Variants in PLEKHA4 observed in about 807,000 individuals in gnomAD.
PLEKHA4 encodes pleckstrin homology domain-containing family A member 4.
PLEKHA4 carries 73 observed loss-of-function variants against 94.7 expected under a neutral mutation model. The ratio of observed to expected loss-of-function variants is 0.77; its 90% CI spans 0.64 to 0.94. The LOEUF is 0.94. PLEKHA4 is among the 40% of genes least tolerant of loss of function. The pLI is 0.00. For synonymous variants in PLEKHA4, 449 were observed against 437.1 expected (o/e 1.03, Z -0.34); for missense variants, 1,049 against 1,054.1 (o/e 1.00, Z 0.07).
chr19:48,843,464 C>T (rs1163157808), intron 16 of PLEKHA4, among the ~76,000 whole-genome samples: 1 of 151,814 alleles, frequency 6.6e-6, no homozygotes, highest in Admixed American at 6.6e-5. Context: ...CAGGCGTTAG[C>T]CACCGCACGC....
chr19:48,843,485 C>CTT (rs879702341), intron 16 of PLEKHA4, among the ~76,000 whole-genome samples: 2 of 141,854 alleles, frequency 1.4e-5, no homozygotes, highest in East Asian at 4.2e-4. Context: ...GGTCTTTTTT[C>CTT]TTTTTTTTTT....
rs763716419 is a variant in PLEKHA4 at position 48,853,843 on chromosome 19, C to G, written c.1177-12G>C. 6.3e-7 allele frequency: 1 copy of G among 1,598,208 alleles called. No homozygotes were observed. The highest frequency in any genetic ancestry group is 1.3e-5 in the African/African-American group (1 of 74,204). ...GCTTCTAGTTGCTCCTGCACCAAGA[C>G]AGAAGGTGGTTAGACTTCAGAAGCC... On this transcript the variant is annotated splice_polypyrimidine_tract_variant and intron_variant, in intron 11 of 19. Transcript: ENST00000263265.
chr19:48,843,306 G>A (rs1417379347), intron 16 of PLEKHA4, among the ~76,000 whole-genome samples: 1 of 151,966 alleles, frequency 6.6e-6, no homozygotes, highest in Admixed American at 6.6e-5. Context: ...AGCCTCCCGA[G>A]TAGCTGGGAT....
rs932475991 is a variant in PLEKHA4, at chr19:48,868,360, C to G, written c.-284G>C. 2.0e-5 allele frequency: 3 copies of G among 150,824 alleles called. No individual in the cohort carries two copies. Among genetic ancestry groups the G allele is most frequent in the Non-Finnish European group, 4.4e-5 (3 of 67,554 alleles). 9.3% of individuals were successfully genotyped at this position (150,824 alleles called of 1,614,324 possible). A position where few individuals can be genotyped will look rare whatever the true frequency, so the allele number is the denominator to read the frequency against. ...AGTCTCTCTCTCACTCATTCTCTCC[C>G]TCTCTCTCTCTCTCCAATCTTTCTG... On this transcript the variant is annotated 5_prime_UTR_variant, in exon 1 of 20. Coordinates refer to ENST00000263265, the MANE Select transcript of PLEKHA4 (RefSeq NM_020904.3).
intron 17 of PLEKHA4, among the ~76,000 whole-genome samples, chr19:48,839,725 G>A (rs1380237095): frequency 1.3e-5 from 2 of 151,768 alleles, no homozygotes; most frequent in African/African-American, 4.8e-5. Context: ...AACTTTACCT[G>A]TGTTCCTATA....
chr19:48,865,968 C>G (rs1269030095), intron 2 of PLEKHA4, among the ~76,000 whole-genome samples: 1 of 150,574 alleles, frequency 6.6e-6, no homozygotes, highest in Non-Finnish European at 1.5e-5. Context: ...GAGCCGAGAT[C>G]GCACCACTGC....
At chr19:48,849,579 G>C (rs2036102541) in intron 13 of PLEKHA4, among the ~76,000 whole-genome samples, 1 of 152,196 alleles carries the variant, frequency 6.6e-6, no homozygotes, top group African/African-American at 2.4e-5. Context: ...AAAGTGCTGG[G>C]ACTACAGGCG....
intron 13 of PLEKHA4, among the ~76,000 whole-genome samples, chr19:48,851,854 G>A (rs2036203614): frequency 6.6e-6 from 1 of 152,072 alleles, no homozygotes; most frequent in African/African-American, 2.4e-5. Flanking sequence ...TGAGGTGGGA[G>A]AATCACTTGA....
chr19:48,861,362 TC>T, intron 5 of PLEKHA4, 38 bp downstream of exon 5: 1 of 1,548,318 alleles, frequency 6.5e-7, no homozygotes, highest in Non-Finnish European at 8.9e-7. Flanking sequence ...CATCTCCAGT[TC>T]CCATCGCCTG....
At chr19:48,858,732 G>A in intron 8 of PLEKHA4, 128 bp downstream of exon 8, 3 of 1,072,344 alleles carry the variant, frequency 2.8e-6, no homozygotes, top group Non-Finnish European at 4.2e-6. Flanking sequence ...TCTCACCTGA[G>A]CCCAGCTGAG....
chr19:48,862,317 C>T (rs1049380290), intron 3 of PLEKHA4, among the ~76,000 whole-genome samples: 2 of 150,938 alleles, frequency 1.3e-5, no homozygotes, highest in Non-Finnish European at 2.9e-5. Context: ...TCTCCTGCCT[C>T]AGCCTCCCGA....
Position 48,841,265 on chromosome 19 carries a change from G to A in PLEKHA4, c.1789C>T (p.Arg597Trp), listed in dbSNP as rs149205469. 68 of 1,613,168 alleles carry A rather than the reference G, an allele frequency of 4.2e-5. 1 individual carries two copies. The highest frequency in any genetic ancestry group is 3.3e-4 in the Middle Eastern group (2 of 6,000). The stretch of plus-strand genomic sequence containing the variant: ...CCACATTCCTGGTTTCTGCGCATCC[G>A]CTCCAGCTGCTCCTGGGCACTCATC... Reference protein sequence around the residue: ...PRMSAQEQLERMRRNQECGRP... With the variant: ...PRMSAQEQLEWMRRNQECGRP... The change falls in exon 17 of 20, where the codon CGG becomes TGG. Residue 597 changes from arginine (R) to tryptophan (W), a missense_variant. By Grantham distance (101) the Arg-to-Trp change is moderately radical. Transcript: ENST00000263265.
Position 48,860,403 on chromosome 19 carries a change from C to CCT in PLEKHA4, c.422_423insAG (p.Arg142GlyfsTer43). ...GGCCCAGCGCCCGTAGCCAGCCCCG[C>CCT]AGGTCTTCTAAGGTGTCAGCGGCCA... On this transcript the variant is annotated frameshift_variant, in exon 6 of 20. Transcript: ENST00000263265. LOFTEE classifies it high-confidence loss of function. The CCT allele has an allele frequency of 6.2e-7, 1 of 1,614,146 alleles. No individual in the cohort carries two copies. Among genetic ancestry groups the CCT allele is most frequent in the Non-Finnish European group, 8.5e-7 (1 of 1,180,038 alleles).
In PLEKHA4 at chr19:48,859,499, C is replaced by A; in HGVS notation, c.662G>T (p.Gly221Val). 1 of 1,614,028 alleles carries A rather than the reference C, an allele frequency of 6.2e-7. No individual in the cohort carries two copies. The highest frequency in any genetic ancestry group is 8.5e-7 in the Non-Finnish European group (1 of 1,180,026). The change falls in exon 7 of 20, where the codon GGA becomes GTA. Residue 221 changes from glycine to valine, a missense_variant. Transcript: ENST00000263265. ...GCTCCTCGCCCTCCGCATCTGGAGT[C>A]CAGAGTGGAGGTCGGTTGTGGGGCT... ...TPSPTTDLHS[G>V]LQMRRARSPD...
rs202017430 is a variant in PLEKHA4, at chr19:48,854,227, A to C, written c.1085T>G (p.Leu362Trp). The change falls in exon 10 of 20, where the codon TTG becomes TGG. Residue 362 changes from leucine (L) to tryptophan (W), a missense_variant. Coordinates refer to ENST00000263265, the MANE Select transcript of PLEKHA4 (RefSeq NM_020904.3). ...TCAGTGACAACTTACATCTGTCTCC[A>C]AGCTTTGGTGGAAAGTTGACTCCAG... Reference protein sequence around the residue: ...PPLESTFHQSLETDTLLTKLC... With the variant: ...PPLESTFHQSWETDTLLTKLC... 72 of 1,614,132 alleles carry C rather than the reference A, an allele frequency of 4.5e-5. No homozygotes were observed. In the Admixed American group the frequency reaches 4.7e-4, roughly 10 times the overall value.
chr19:48,856,430 A>G (rs2036411876), intron 9 of PLEKHA4, among the ~76,000 whole-genome samples: 1 of 122,708 alleles, frequency 8.1e-6, no homozygotes, highest in Non-Finnish European at 2.0e-5. Flanking sequence ...AAAAATACAA[A>G]AAAGTTGGGC....
Position 48,841,308 on chromosome 19 carries a change from G to A in PLEKHA4, c.1746C>T (p.Ala582=). The A allele has an allele frequency of 6.2e-7, 1 of 1,603,912 alleles. No individual in the cohort carries two copies. The change falls in exon 17 of 20, where the codon GCC becomes GCT. Residue 582 remains alanine, a splice_region_variant and synonymous_variant. Transcript: ENST00000263265. ...HLPSPQLGTK[A]PVARPRMSAQ... ...CACTCATCCGGGGCCGGGCCACCGG[G>A]GCCTAGGGAGGCGAGAAACGTCCCA...
chr19:48,862,863 C>T lies in PLEKHA4; in HGVS notation c.193-1171G>A, dbSNP rs186969067. 5.8e-3 allele frequency among the ~76,000 whole-genome samples: 884 copies of T among 152,316 alleles called. 7 individuals are homozygous for T. The highest frequency in any genetic ancestry group is 9.8e-3 in the Non-Finnish European group (664 of 68,026). On this transcript the variant is annotated intron_variant, in intron 3 of 19. Coordinates refer to ENST00000263265, the MANE Select transcript of PLEKHA4 (RefSeq NM_020904.3). ...CAAGTCATTTCCGCCTAGAATCCAC[C>T]TTCATGTTTTCTCGTCTATCCGCTG...
chr19:48,849,022 C>T (rs892591772), intron 13 of PLEKHA4, among the ~76,000 whole-genome samples: 1 of 152,086 alleles, frequency 6.6e-6, no homozygotes, highest in African/African-American at 2.4e-5. Context: ...ACCTCAGCCT[C>T]CTGAGTAACT....
Sources: gnomAD v4.1 joint callset for allele counts (sites outside exome capture counted in the v4.1 genomes callset) on GRCh38, gnomAD v4.1.1 for gene constraint, MANE v1.5 for transcripts, NCBI Gene and HGNC (gene_info 2026-07-23, HGNC 2026-07-21) for gene names.